The following ITPR2 variants were observed in gnomAD, a reference collection of about 807,000 sequenced individuals.
ITPR2 encodes inositol 1,4,5-trisphosphate receptor type 2, also known as inositol 1,4,5-trisphosphate-gated calcium channel ITPR2.
A neutral mutation model predicts 317.1 loss-of-function variants in ITPR2; 207 were observed. That is an observed-to-expected ratio of 0.65 (90% CI 0.58 to 0.73). The LOEUF is 0.73. Ranked by LOEUF, ITPR2 falls within the 30% of genes least tolerant of loss-of-function variation. ITPR2 has a pLI of 0.00. For synonymous variants in ITPR2, 1,156 were observed against 1,149.1 expected, an observed-to-expected ratio of 1.01 and a Z score of -0.12; for missense variants, 2,613 against 3,284.0, an observed-to-expected ratio of 0.80 and a Z score of 4.99.
At chr12:26,642,306 T>C (rs147419864) in intron 21 of ITPR2, among the ~76,000 whole-genome samples, 7 of 152,358 alleles carry the variant, frequency 4.6e-5, no homozygotes, top group African/African-American at 1.7e-4. Context: ...TGTTGGAAAC[T>C]AGATCTCCAA....
At chr12:26,526,410 A>C (rs1234829310) in intron 37 of ITPR2, among the ~76,000 whole-genome samples, 1 of 152,184 alleles carries the variant, frequency 6.6e-6, no homozygotes, top group Non-Finnish European at 1.5e-5. Flanking sequence ...AAACAGAAAG[A>C]GGTGATTCTG....
intron 30 of ITPR2, among the ~76,000 whole-genome samples, chr12:26,598,003 T>C (rs1322761933): frequency 6.6e-6 from 1 of 152,208 alleles, no homozygotes; most frequent in African/African-American, 2.4e-5. Context: ...ATATGTATTA[T>C]ATATTAACAT....
At chr12:26,563,074 A>G (rs1415707017) in intron 34 of ITPR2, among the ~76,000 whole-genome samples, 1 of 152,246 alleles carries the variant, frequency 6.6e-6, no homozygotes, top group African/African-American at 2.4e-5. Context: ...AGAGCTGGGA[A>G]GCTAAGGCCC....
intron 2 of ITPR2, among the ~76,000 whole-genome samples, chr12:26,772,522 AT>A (rs1301139544): frequency 1.3e-4 from 13 of 98,798 alleles, no homozygotes; most frequent in Middle Eastern, 0.011. Flanking sequence ...ATAATACATT[AT>A]TATATATAAT....
At chr12:26,357,699 C>T (rs979224523) in intron 55 of ITPR2, among the ~76,000 whole-genome samples, 9 of 152,224 alleles carry the variant, frequency 5.9e-5, no homozygotes, top group African/African-American at 4.8e-5. Flanking sequence ...CTAACTTGTG[C>T]GGTCTGCACT....
intron 21 of ITPR2, among the ~76,000 whole-genome samples, chr12:26,650,880 CT>C (rs1450927244): frequency 6.6e-6 from 1 of 152,124 alleles, no homozygotes; most frequent in Non-Finnish European, 1.5e-5. Flanking sequence ...AACTACGGTT[CT>C]TGGTCTTTGC....
At chr12:26,482,045 A>G (rs2136836999) in intron 42 of ITPR2, among the ~76,000 whole-genome samples, 1 of 152,270 alleles carries the variant, frequency 6.6e-6, no homozygotes, top group Non-Finnish European at 1.5e-5. Flanking sequence ...GGTATGAAAA[A>G]CTGAAATCCT....
intron 37 of ITPR2, among the ~76,000 whole-genome samples, chr12:26,535,617 T>G (rs1944068320): frequency 6.6e-6 from 1 of 152,224 alleles, no homozygotes; most frequent in South Asian, 2.1e-4. Context: ...GAAGTTGAGC[T>G]TAGATGTCTT....
intron 39 of ITPR2, among the ~76,000 whole-genome samples, chr12:26,491,373 C>T (rs1942796479): frequency 6.7e-6 from 1 of 149,382 alleles, no homozygotes; most frequent in African/African-American, 2.5e-5. Flanking sequence ...GTCCCAGCTA[C>T]TCGGGAGGCT....
intron 45 of ITPR2, among the ~76,000 whole-genome samples, chr12:26,474,055 T>C (rs905674799): frequency 3.3e-5 from 5 of 152,248 alleles, no homozygotes; most frequent in Non-Finnish European, 5.9e-5. Context: ...AGAATCTGAC[T>C]CCTTCCTGGA....
chr12:26,340,938 C>G (rs1384335886), intron 55 of ITPR2, among the ~76,000 whole-genome samples: 1 of 152,118 alleles, frequency 6.6e-6, no homozygotes, highest in Non-Finnish European at 1.5e-5. Flanking sequence ...CCCCACAGGG[C>G]AATAGCTGGT....
Position 26,427,799 on chromosome 12 carries a change from A to G in ITPR2, c.6945+114T>C, listed in dbSNP as rs11048514. 7,773 of 623,866 alleles carry G rather than the reference A, an allele frequency of 0.012. 579 individuals are homozygous for G. The East Asian group carries it at 0.18, about 15-fold the overall frequency. The allele number at this position is 623,866 out of a possible 1,614,324, so 38.6% of individuals were successfully genotyped here. A position where few individuals can be genotyped will look rare whatever the true frequency, so the allele number is the denominator to read the frequency against. ...TATGCTCTGGTTAATTTAGATTTAT[A>G]ATAAATTAGAATTCACCATGCATAC... On this transcript the variant is annotated intron_variant, in intron 49 of 56. Coordinates refer to ENST00000381340, the MANE Select transcript of ITPR2 (RefSeq NM_002223.4).
intron 26 of ITPR2, among the ~76,000 whole-genome samples, 175 bp from the exon 27 acceptor site, chr12:26,602,881 G>A (rs186260458): frequency 1.1e-3 from 169 of 152,126 alleles, no homozygotes; most frequent in Non-Finnish European, 1.8e-3. Context: ...GCTTGACTGA[G>A]CCATGCAAAT....
chr12:26,441,776 C>T lies in ITPR2; in HGVS notation c.6450+1767G>A, dbSNP rs537681138. On this transcript the variant is annotated intron_variant, in intron 46 of 56. Coordinates refer to ENST00000381340, the MANE Select transcript of ITPR2 (RefSeq NM_002223.4). ...GCTGCCAAACTTCACTCTCTCCTAG[C>T]ATTCTCATACATGGCACCAACTTCT... Among the ~76,000 whole-genome samples, 43 of 152,272 alleles carry T rather than the reference C, an allele frequency of 2.8e-4. No homozygotes were observed. The South Asian group carries it at 8.7e-3, about 31-fold the overall frequency.
chr12:26,484,329 T>C (rs1310960942), intron 41 of ITPR2, among the ~76,000 whole-genome samples: 1 of 152,102 alleles, frequency 6.6e-6, no homozygotes, highest in Non-Finnish European at 1.5e-5. Context: ...TTTTCAATTA[T>C]AAATAATCTC....
intron 21 of ITPR2, among the ~76,000 whole-genome samples, chr12:26,642,634 AG>A (rs1947018163): frequency 1.3e-5 from 2 of 152,216 alleles, no homozygotes; most frequent in African/African-American, 2.4e-5. Flanking sequence ...TAATCCAGAA[AG>A]GACTTAGAGG....
chr12:26,599,092 T>C, intron 30 of ITPR2, 53 bp downstream of exon 30: 1 of 1,479,218 alleles, frequency 6.8e-7, no homozygotes, highest in Non-Finnish European at 9.5e-7. Flanking sequence ...AGAAAATGCA[T>C]ATTTGAACAT....
At chr12:26,377,610 T>A (rs10771279) in intron 55 of ITPR2, among the ~76,000 whole-genome samples, 4 of 151,966 alleles carry the variant, frequency 2.6e-5, no homozygotes, top group Admixed American at 6.5e-5. Flanking sequence ...TTGATTTACA[T>A]ATATTTAGCC....
Position 26,339,257 on chromosome 12 carries a change from T to G in ITPR2, c.*140A>C. The G allele has an allele frequency of 1.5e-6, 1 of 681,742 alleles. No homozygotes were observed. The highest frequency in any genetic ancestry group is 2.6e-6 in the Non-Finnish European group (1 of 386,968). 42.2% of individuals were successfully genotyped at this position (681,742 alleles called of 1,614,324 possible). ...CACAGTTATAAATTGTTCTCGGAGC[T>G]AACCCACTCAACATCTTGGCACTTG... On this transcript the variant is annotated 3_prime_UTR_variant, in exon 57 of 57. Transcript: ENST00000381340.
Sources: allele counts gnomAD v4.1 joint callset (sites outside exome capture counted in the v4.1 genomes callset), GRCh38; gene constraint gnomAD v4.1.1; transcripts MANE v1.5; gene names NCBI Gene and HGNC (gene_info 2026-07-23, HGNC 2026-07-21).